ARID3B: variants seen among roughly 807,000 people sequenced by gnomAD.
ARID3B encodes the protein AT-rich interactive domain-containing protein 3B.
ARID3B carries 10 observed loss-of-function variants against 51.9 expected under a neutral mutation model. The observed-to-expected ratio is 0.19, with a 90% CI of 0.12 to 0.33. The LOEUF is 0.33. ARID3B is among the 10% of genes least tolerant of loss of function. ARID3B has a pLI of 1.00. For synonymous variants in ARID3B, 205 were observed against 279.5 expected (o/e 0.73, Z 2.66); for missense variants, 483 against 716.3 (o/e 0.67, Z 3.72).
At chr15:74,583,829 A>G (rs1328460683) in intron 4 of ARID3B, among the ~76,000 whole-genome samples, 2 of 152,130 alleles carry the variant, frequency 1.3e-5, no homozygotes, top group Admixed American at 6.5e-5. Context: ...TACCATATGT[A>G]AGTTAGACCC....
chr15:74,584,195 G>A (rs145675065), intron 4 of ARID3B, among the ~76,000 whole-genome samples: 1 of 152,204 alleles, frequency 6.6e-6, no homozygotes, highest in Non-Finnish European at 1.5e-5. Context: ...GTCCCCTGTA[G>A]TAGTTGCCAG....
Position 74,591,854 on chromosome 15 carries a change from C to T in ARID3B, c.1420+40C>T, listed in dbSNP as rs1479672088. On this transcript the variant is annotated intron_variant, in intron 7 of 8. Transcript: ENST00000346246. This position sits in a 1 kb window ranked among gnomAD's most constrained non-coding sequence, Gnocchi z 5.8. Reference sequence around the variant, plus strand: ...GGGCCGGGCCTTCCCTTCCTGGAAACCCCAAGCCCATTCACGCCTCCTGGG... The same window carrying T: ...GGGCCGGGCCTTCCCTTCCTGGAAATCCCAAGCCCATTCACGCCTCCTGGG... 3 of 1,595,396 alleles carry T rather than the reference C, an allele frequency of 1.9e-6. No individual in the cohort carries two copies. The highest frequency in any genetic ancestry group is 2.6e-6 in the Non-Finnish European group (3 of 1,168,302).
intron 2 of ARID3B, 152 bp downstream of exon 2, chr15:74,544,640 C>A: frequency 6.7e-6 from 4 of 593,442 alleles, no homozygotes; most frequent in Non-Finnish European, 1.1e-5. Flanking sequence ...GGATTTTTTT[C>A]TTATTTAATA....
At chr15:74,552,401 G>C (rs368496828) in intron 2 of ARID3B, among the ~76,000 whole-genome samples, 1 of 133,144 alleles carries the variant, frequency 7.5e-6, no homozygotes, top group South Asian at 2.6e-4. Flanking sequence ...CTCCACGTTG[G>C]TCAGGCTGGT....
At chr15:74,556,781 T>TTG (rs1177748604) in intron 2 of ARID3B, among the ~76,000 whole-genome samples, 60 of 146,350 alleles carry the variant, frequency 4.1e-4, no homozygotes, top group African/African-American at 1.5e-3. Context: ...TTTTTGTTTT[T>TTG]TTTTTTTTTT....
At chr15:74,590,340 A>G (rs1164627697) in intron 5 of ARID3B, among the ~76,000 whole-genome samples, 1 of 152,254 alleles carries the variant, frequency 6.6e-6, no homozygotes, top group Non-Finnish European at 1.5e-5. Flanking sequence ...AGTAAGTGGT[A>G]GAGCTGAGAT....
At chr15:74,557,730 TC>T (rs1401467266) in intron 2 of ARID3B, among the ~76,000 whole-genome samples, 1 of 152,014 alleles carries the variant, frequency 6.6e-6, no homozygotes, top group Non-Finnish European at 1.5e-5. Flanking sequence ...GTAGGGAGGA[TC>T]TTTTTCTCTC....
rs565587202 is a variant in ARID3B at position 74,572,369 on chromosome 15, G to A, written c.553-493G>A. Among the ~76,000 whole-genome samples the A allele has an allele frequency of 2.0e-5, 3 of 152,330 alleles. No homozygotes were observed. In the East Asian group the frequency reaches 5.8e-4, roughly 29 times the overall value. On this transcript the variant is annotated intron_variant, in intron 2 of 8. Coordinates refer to ENST00000346246, the MANE Select transcript of ARID3B (RefSeq NM_006465.4). ...TGCCATGCGGCTTAGGGTTTTGAATGGTGAGGCTTGACTAAGAGACCAACT... is the reference window on the plus strand; with the variant it reads ...TGCCATGCGGCTTAGGGTTTTGAATAGTGAGGCTTGACTAAGAGACCAACT...
At chr15:74,583,500 C>A (rs1243165584) in intron 4 of ARID3B, among the ~76,000 whole-genome samples, 1 of 151,930 alleles carries the variant, frequency 6.6e-6, no homozygotes, top group Non-Finnish European at 1.5e-5. Flanking sequence ...GGCGGATCAT[C>A]TGTGGTGAGG....
chr15:74,589,478 G>C lies in ARID3B; in HGVS notation c.698-342G>C, dbSNP rs180835471. On this transcript the variant is annotated intron_variant, in intron 4 of 8. Coordinates refer to ENST00000346246, the MANE Select transcript of ARID3B (RefSeq NM_006465.4). ...GCAGAGATAAGTCGCCAGATCACTA[G>C]GAATAGTCTGGAATCATACTGCCAG... is the stretch of plus-strand genomic sequence containing the variant. Among the ~76,000 whole-genome samples the C allele has an allele frequency of 2.0e-5, 3 of 152,212 alleles. No individual in the cohort carries two copies. The East Asian group carries it at 5.8e-4, about 29-fold the overall frequency.
At chr15:74,593,455 A>G (rs2061811447) in intron 8 of ARID3B, among the ~76,000 whole-genome samples, 1 of 152,308 alleles carries the variant, frequency 6.6e-6, no homozygotes, top group Admixed American at 6.5e-5. Flanking sequence ...GAAACCCTTC[A>G]CCTAACCCTT....
At chr15:74,561,388 A>T (rs897715637) in intron 2 of ARID3B, among the ~76,000 whole-genome samples, 1 of 152,196 alleles carries the variant, frequency 6.6e-6, no homozygotes, top group Non-Finnish European at 1.5e-5. Context: ...TAGCACCTTC[A>T]TGTGTTGCCC....
Position 74,573,220 on chromosome 15 carries a change from CTCA to C in ARID3B, c.697+21_697+23del, listed in dbSNP as rs1378636339. The C allele has an allele frequency of 6.2e-7, 1 of 1,612,076 alleles. No individual in the cohort carries two copies. The highest frequency in any genetic ancestry group is 1.1e-5 in the South Asian group (1 of 91,026). On this transcript the variant is annotated intron_variant, in intron 4 of 8. Coordinates refer to ENST00000346246, the MANE Select transcript of ARID3B (RefSeq NM_006465.4). Reference sequence around the variant, plus strand: ...CAGAAGAGGGGTGAGTGTGCATCTACTCATCATTCCAATTCAGGGAATACTGAT... The same window carrying C: ...CAGAAGAGGGGTGAGTGTGCATCTACTCATTCCAATTCAGGGAATACTGAT...
chr15:74,566,807 T>C (rs1385084069), intron 2 of ARID3B, among the ~76,000 whole-genome samples: 1 of 152,136 alleles, frequency 6.6e-6, no homozygotes, highest in African/African-American at 2.4e-5. Flanking sequence ...TTGTAATTGT[T>C]TGTCTCTCTC....
In ARID3B at chr15:74,595,722, C is replaced by G; in HGVS notation, c.1631C>G (p.Thr544Ser). 6.2e-7 allele frequency: 1 copy of G among 1,613,054 alleles called. No homozygotes were observed. The highest frequency in any genetic ancestry group is 8.5e-7 in the Non-Finnish European group (1 of 1,179,236). ...AGCTCTCACTGTTCACCAAGTCCTA[C>G]CTCATCCCGGGGCACCCCCAGCGCA... ...SSSSHCSPSP[T>S]SSRGTPSAEP... Residue 544 changes from threonine (T) to serine (S), a missense_variant, in exon 9 of 9, where the codon ACC becomes AGC. Physicochemically the swap from Thr to Ser is moderately conservative, Grantham distance 58. Around this residue, in one of 3 missense-constraint regions of ARID3B, gnomAD observed 265 missense variants for 354.4 expected, o/e 0.75. Coordinates refer to ENST00000346246, the MANE Select transcript of ARID3B (RefSeq NM_006465.4).
intron 2 of ARID3B, among the ~76,000 whole-genome samples, chr15:74,547,467 G>C (rs1009277337): frequency 6.6e-6 from 1 of 151,876 alleles, no homozygotes; most frequent in Admixed American, 6.6e-5. Context: ...ACAGGCGTGA[G>C]CCACCGCGCC....
At chr15:74,562,216 A>G (rs898535142) in intron 2 of ARID3B, among the ~76,000 whole-genome samples, 2 of 151,912 alleles carry the variant, frequency 1.3e-5, no homozygotes, top group Non-Finnish European at 1.5e-5. Context: ...ATCTTGGCTC[A>G]CTGCAACCTC....
intron 4 of ARID3B, among the ~76,000 whole-genome samples, chr15:74,589,341 C>T (rs1286589079): frequency 6.6e-6 from 1 of 152,084 alleles, no homozygotes; most frequent in Non-Finnish European, 1.5e-5. Flanking sequence ...CGAGCACACT[C>T]TTATAAGCAG....
intron 2 of ARID3B, among the ~76,000 whole-genome samples, chr15:74,564,255 T>C (rs1488204062): frequency 6.6e-6 from 1 of 152,252 alleles, no homozygotes; most frequent in African/African-American, 2.4e-5. Context: ...AGGATTCTCC[T>C]GTAATCCTGC....
Sources: gnomAD v4.1 joint callset for allele counts (sites outside exome capture counted in the v4.1 genomes callset) on GRCh38, gnomAD v4.1.1 for gene constraint, gnomAD v4.1.1 regional missense constraint, Gnocchi (gnomAD v3.1) non-coding constraint, MANE v1.5 for transcripts, NCBI Gene and HGNC (gene_info 2026-07-23, HGNC 2026-07-21) for gene names.